The following ST6GALNAC1 variants were observed in gnomAD, a reference collection of about 807,000 sequenced individuals.
ST6GALNAC1 encodes the protein ST6 N-acetylgalactosaminide alpha-2,6-sialyltransferase 1.
ST6GALNAC1 carries 45 observed loss-of-function variants against 56.8 expected under a neutral mutation model. That is an observed-to-expected ratio of 0.79 (90% CI 0.62 to 1.02). ST6GALNAC1 has a LOEUF of 1.02. Among genes scored for constraint, ST6GALNAC1 ranks in the 50% least tolerant of loss-of-function variants. The pLI is 0.00. For synonymous variants in ST6GALNAC1, 295 were observed against 297.8 expected (o/e 0.99, Z 0.10); for missense variants, 743 against 754.8 (o/e 0.98, Z 0.18).
At chr17:76,626,127 C>T (rs2075794913) in intron 6 of ST6GALNAC1, 32 bp from the exon 7 acceptor site, 1 of 1,607,792 alleles carries the variant, frequency 6.2e-7, no homozygotes, top group Non-Finnish European at 8.5e-7. Flanking sequence ...TCAGACTCAG[C>T]TCCCTTACCT....
chr17:76,627,514 G>T lies in ST6GALNAC1; in HGVS notation c.901C>A (p.Leu301Ile). Reference protein sequence around the residue: ...LWLQKLFLPNLTLFLDSRHFN... With the variant: ...LWLQKLFLPNITLFLDSRHFN... ...TGTCTGGAGTCCAGGAAGAGAGTGA[G>T]GTTGGGCAGAAAGAGTTTCTGGAGC... Residue 301 changes from leucine to isoleucine, a missense_variant, in exon 3 of 9, where the codon CTC (leucine) becomes ATC (isoleucine). Physicochemically the swap from Leu to Ile is conservative, Grantham distance 5 (BLOSUM62 2). Transcript: ENST00000156626. The surrounding 1 kb of genome is among the most constrained non-coding windows in gnomAD (Gnocchi z 4.4). 1 of 1,614,204 alleles carries T rather than the reference G, an allele frequency of 6.2e-7. No individual in the cohort carries two copies. The highest frequency in any genetic ancestry group is 8.5e-7 in the Non-Finnish European group (1 of 1,180,022).
the ST6GALNAC1 span, among the ~76,000 whole-genome samples, chr17:76,619,740 G>GTTTTT: frequency 6.3e-4 from 64 of 101,582 alleles, no homozygotes; most frequent in Non-Finnish European, 9.5e-4. Flanking sequence ...AATAATGTTA[G>GTTTTT]TTTTTTTTTT....
intron 1 of ST6GALNAC1, among the ~76,000 whole-genome samples, chr17:76,640,094 T>C (rs1472263441): frequency 1.3e-5 from 2 of 152,122 alleles, no homozygotes; most frequent in Non-Finnish European, 1.5e-5. Context: ...GGGTCCTTTC[T>C]AGGATCACGT....
chr17:76,630,734 G>A (rs2075882026), intron 1 of ST6GALNAC1, among the ~76,000 whole-genome samples: 1 of 150,580 alleles, frequency 6.6e-6, no homozygotes, highest in South Asian at 2.1e-4. Flanking sequence ...TACAGCGCAT[G>A]CCACCACGCC....
intron 1 of ST6GALNAC1, among the ~76,000 whole-genome samples, chr17:76,636,934 T>G (rs1472950940): frequency 6.6e-6 from 1 of 152,210 alleles, no homozygotes; most frequent in Non-Finnish European, 1.5e-5. Flanking sequence ...AGAAAAATTC[T>G]TCTGCCTTGG....
intron 1 of ST6GALNAC1, among the ~76,000 whole-genome samples, chr17:76,634,463 C>T (rs1002649989): frequency 5.9e-5 from 9 of 152,124 alleles, no homozygotes; most frequent in African/African-American, 2.2e-4. Context: ...CTGGAGTTCC[C>T]AAGACCCCCT....
chr17:76,620,341 T>A (rs2143393671), downstream of ST6GALNAC1, among the ~76,000 whole-genome samples: 1 of 152,078 alleles, frequency 6.6e-6, no homozygotes, highest in East Asian at 1.9e-4. Flanking sequence ...CACCCAGCCT[T>A]ATTGTTAGGT....
At chr17:76,618,030 T>C in the ST6GALNAC1 span, among the ~76,000 whole-genome samples, 1 of 152,348 alleles carries the variant, frequency 6.6e-6, no homozygotes, top group Non-Finnish European at 1.5e-5. Flanking sequence ...GCTTGTTCCA[T>C]TCTCACTGAT....
At chr17:76,629,808 A>G (rs1256956889) in intron 1 of ST6GALNAC1, 97 bp from the exon 2 acceptor site, 2 of 891,942 alleles carry the variant, frequency 2.2e-6, no homozygotes, top group Middle Eastern at 2.5e-4. Context: ...TTTGAGACAC[A>G]GTCTTGCTCT....
chr17:76,628,027 G>T (rs925550346), intron 2 of ST6GALNAC1, among the ~76,000 whole-genome samples: 1 of 148,370 alleles, frequency 6.7e-6, no homozygotes, highest in Non-Finnish European at 1.5e-5. Context: ...AACCCGGGAA[G>T]CGGAGCTTGC....
intron 1 of ST6GALNAC1, among the ~76,000 whole-genome samples, chr17:76,635,510 G>A (rs1283457203): frequency 2.6e-5 from 4 of 152,166 alleles, no homozygotes; most frequent in African/African-American, 9.7e-5. Context: ...GGTGGTGCAC[G>A]CCTGTAATCC....
At chr17:76,623,569 T>C (rs1011712558), downstream of ST6GALNAC1, among the ~76,000 whole-genome samples, 5 of 152,246 alleles carry the variant, frequency 3.3e-5, no homozygotes, top group Non-Finnish European at 7.3e-5. Flanking sequence ...TTTGTTGCTC[T>C]TGTAAATGGG....
At chr17:76,617,541 G>A in the ST6GALNAC1 span, among the ~76,000 whole-genome samples, 1 of 152,058 alleles carries the variant, frequency 6.6e-6, no homozygotes, top group South Asian at 2.1e-4. Flanking sequence ...ATGGAATGGG[G>A]GTAAAATGTA....
chr17:76,627,306 C>G lies in ST6GALNAC1; in HGVS notation c.1001-68G>C. On this transcript the variant is annotated intron_variant, in intron 3 of 8. Transcript: ENST00000156626. The surrounding 1 kb of genome is among the most constrained non-coding windows in gnomAD (Gnocchi z 4.4). ...GACAGGAGTCCGACCCATCATTCCTCCCAGGTCTGGCAAACCCCAGGGAAG... is the reference window on the plus strand; with the variant it reads ...GACAGGAGTCCGACCCATCATTCCTGCCAGGTCTGGCAAACCCCAGGGAAG... 6.4e-7 allele frequency: 1 copy of G among 1,561,772 alleles called. No homozygotes were observed. Among genetic ancestry groups the G allele is most frequent in the East Asian group, 2.3e-5 (1 of 44,432 alleles).
In ST6GALNAC1 at chr17:76,625,880, C is replaced by G. The variant is rs200331134; in HGVS notation, c.1544G>C (p.Arg515Thr). The change falls in exon 8 of 9, where the codon AGG becomes ACG. Residue 515 changes from arginine to threonine, a missense_variant. By Grantham distance (71) the Arg-to-Thr change is moderately conservative (BLOSUM62 -1). Coordinates refer to ENST00000156626, the MANE Select transcript of ST6GALNAC1 (RefSeq NM_018414.5). The part of the protein sequence containing the change: ...RSKTLDGAHW[R>T]IYRPTTGALL... ...GGCCCCAGTGGTGGGGCGGTATATC[C>G]TCCAGTGGGCACCATCCAGGGTCTT... 6.4e-7 allele frequency: 1 copy of G among 1,562,182 alleles called. No individual in the cohort carries two copies. The highest frequency in any genetic ancestry group is 2.2e-5 in the East Asian group (1 of 44,574).
chr17:76,641,516 C>T (rs1235554626), intron 1 of ST6GALNAC1, among the ~76,000 whole-genome samples: 1 of 152,140 alleles, frequency 6.6e-6, no homozygotes, highest in Non-Finnish European at 1.5e-5. Context: ...ATTCTCAATA[C>T]ATCAGTGATC....
chr17:76,642,404 G>A (rs1293615172), intron 1 of ST6GALNAC1, among the ~76,000 whole-genome samples: 1 of 152,104 alleles, frequency 6.6e-6, no homozygotes, highest in African/African-American at 2.4e-5. Flanking sequence ...GAGAATTAGT[G>A]AGTTAACGTA....
At chr17:76,619,740 GTTTTTTTTTTT>G in the ST6GALNAC1 span, among the ~76,000 whole-genome samples, 3 of 101,572 alleles carry the variant, frequency 3.0e-5, no homozygotes, top group African/African-American at 7.9e-5. Context: ...AATAATGTTA[GTTTTTTTTTTT>G]TTTTTTTTTT....
At chr17:76,634,107 C>T (rs188484913) in intron 1 of ST6GALNAC1, among the ~76,000 whole-genome samples, 38 of 152,326 alleles carry the variant, frequency 2.5e-4, no homozygotes, top group Admixed American at 1.6e-3. Flanking sequence ...CCTGGGCTCC[C>T]GCCTTCTATG....
Sources: gnomAD v4.1 joint callset for allele counts (sites outside exome capture counted in the v4.1 genomes callset) on GRCh38, gnomAD v4.1.1 for gene constraint, Gnocchi (gnomAD v3.1) non-coding constraint, MANE v1.5 for transcripts, NCBI Gene and HGNC (gene_info 2026-07-23, HGNC 2026-07-21) for gene names.